The following RABGAP1L variants were observed in gnomAD, a reference collection of about 807,000 sequenced individuals.
RABGAP1L encodes the protein RAB GTPase activating protein 1 like.
A neutral mutation model predicts 137.7 loss-of-function variants in RABGAP1L; 63 were observed. That is an observed-to-expected ratio of 0.46 (90% CI 0.37 to 0.56). The LOEUF (loss-of-function observed/expected upper bound fraction) is 0.56, where lower values mean the gene tolerates loss of function less well. RABGAP1L is among the 20% of genes least tolerant of loss of function. The pLI is 0.00. For missense variants in RABGAP1L, 1,095 were observed against 1,244.0 expected (o/e 0.88, Z 1.80); for synonymous variants, 431 against 433.7 (o/e 0.99, Z 0.08).
intron 13 of RABGAP1L, among the ~76,000 whole-genome samples, chr1:174,607,268 A>G (rs771798587): frequency 1.3e-5 from 2 of 152,192 alleles, no homozygotes; most frequent in African/African-American, 2.4e-5. Flanking sequence ...CTAACAAGTT[A>G]TGAATTCTTT....
chr1:174,390,775 C>G (rs1687158911), intron 12 of RABGAP1L, among the ~76,000 whole-genome samples: 1 of 151,976 alleles, frequency 6.6e-6, no homozygotes, highest in Admixed American at 6.6e-5. Flanking sequence ...TCCTAGGTTT[C>G]CAGTTTGGAT....
At chr1:174,521,014 T>C (rs976359645) in intron 13 of RABGAP1L, among the ~76,000 whole-genome samples, 2 of 152,162 alleles carry the variant, frequency 1.3e-5, no homozygotes, top group African/African-American at 4.8e-5. Context: ...AAACAGTGTT[T>C]TAGTTTCAAG....
chr1:174,329,274 AAGCTTG>A (rs1208048559), intron 11 of RABGAP1L, among the ~76,000 whole-genome samples: 1 of 152,164 alleles, frequency 6.6e-6, no homozygotes, highest in East Asian at 1.9e-4. Flanking sequence ...ACAACCTACC[AAGCTTG>A]AGTCAAGAAG....
intron 15 of RABGAP1L, among the ~76,000 whole-genome samples, chr1:174,691,183 TAGAG>T (rs1448512474): frequency 1.3e-5 from 2 of 152,112 alleles, no homozygotes; most frequent in East Asian, 3.9e-4. Flanking sequence ...ATCTCCTTCA[TAGAG>T]AAAGGTAGAT....
At chr1:174,507,650 T>C (rs1374264249) in intron 13 of RABGAP1L, among the ~76,000 whole-genome samples, 1 of 152,150 alleles carries the variant, frequency 6.6e-6, no homozygotes, top group African/African-American at 2.4e-5. Context: ...ATTGATTTAC[T>C]ATCTTGTCAC....
intron 13 of RABGAP1L, among the ~76,000 whole-genome samples, chr1:174,634,413 G>C (rs1673745964): frequency 2.8e-5 from 3 of 106,298 alleles, no homozygotes; most frequent in Non-Finnish European, 1.8e-5. Flanking sequence ...TGGAGAAATA[G>C]GAACACTTTT....
chr1:174,380,675 C>T (rs546153249), intron 12 of RABGAP1L, among the ~76,000 whole-genome samples: 111 of 149,554 alleles, frequency 7.4e-4, no homozygotes, highest in Non-Finnish European at 1.4e-3. Flanking sequence ...TGATTCTTCT[C>T]TCTTTTTTTC....
rs185917589 is a variant in RABGAP1L at position 174,187,907 on chromosome 1, T to C, written c.-34+28250T>C. 4.6e-5 allele frequency among the ~76,000 whole-genome samples: 7 copies of C among 152,286 alleles called. No individual in the cohort carries two copies. In the East Asian group the frequency reaches 1.3e-3, roughly 29 times the overall value. On this transcript the variant is annotated intron_variant, in intron 1 of 25. Transcript: ENST00000681986. ...CTGAAGTATAGAAACAGAACTGAAA[T>C]ATAGATAATTAAAACTAAACTAATA...
At position 174,610,656 on chromosome 1, in the gene RABGAP1L, A is replaced by T. The variant is rs1480201080; in HGVS notation, c.1711-26719A>T. Among the ~76,000 whole-genome samples the T allele has an allele frequency of 3.6e-3, 549 of 152,144 alleles. 5 individuals carry two copies. Among genetic ancestry groups the T allele is most frequent in the African/African-American group, 0.011 (467 of 41,532 alleles). ...CTGACTTCCACAATGGTTGAACTAG[A>T]TTACAGTCCCACCAACAGTGTAAAA... On this transcript the variant is annotated intron_variant, in intron 13 of 25. Coordinates refer to ENST00000681986, the MANE Select transcript of RABGAP1L (RefSeq NM_001366446.1).
chr1:174,443,845 T>C (rs1190186084), intron 13 of RABGAP1L, among the ~76,000 whole-genome samples: 3 of 152,134 alleles, frequency 2.0e-5, no homozygotes, highest in African/African-American at 7.2e-5. Context: ...CAACTTTGAC[T>C]TGATTTTTGT....
chr1:174,176,095 T>G (rs1159251843), intron 1 of RABGAP1L, among the ~76,000 whole-genome samples: 1 of 152,198 alleles, frequency 6.6e-6, no homozygotes, highest in Non-Finnish European at 1.5e-5. Flanking sequence ...GGTTGAAATA[T>G]CCAAAGAAAA....
At chr1:174,492,176 C>CT (rs756360090) in intron 13 of RABGAP1L, among the ~76,000 whole-genome samples, 2,898 of 119,952 alleles carry the variant, frequency 0.024, 103 homozygotes, top group African/African-American at 0.067. Context: ...TGTCGAATTA[C>CT]TTTTTTTTTT....
In RABGAP1L at chr1:174,497,899, G is replaced by C. The variant is rs559585123; in HGVS notation, c.1710+103754G>C. Among the ~76,000 whole-genome samples the C allele has an allele frequency of 5.4e-5, 8 of 147,466 alleles. No homozygotes were observed. The South Asian group carries it at 1.7e-3, about 31-fold the overall frequency. On this transcript the variant is annotated intron_variant, in intron 13 of 25. Coordinates refer to ENST00000681986, the MANE Select transcript of RABGAP1L (RefSeq NM_001366446.1). The stretch of plus-strand genomic sequence containing the variant: ...GGAGTTACATGTTACAGTATTAGTA[G>C]CTCTGACAGTGACTGTCTTCAAATT...
At chr1:174,625,081 C>T (rs1672846845) in intron 13 of RABGAP1L, among the ~76,000 whole-genome samples, 1 of 151,994 alleles carries the variant, frequency 6.6e-6, no homozygotes, top group Non-Finnish European at 1.5e-5. Context: ...ACCATCTTGG[C>T]CAGGCTGGTC....
chr1:174,607,665 C>T lies in RABGAP1L; in HGVS notation c.1711-29710C>T, dbSNP rs59692051. Among the ~76,000 whole-genome samples the T allele has an allele frequency of 5.3e-3, 802 of 152,302 alleles. 9 individuals carry two copies. Among genetic ancestry groups the T allele is most frequent in the African/African-American group, 0.018 (758 of 41,578 alleles). ...TTTTATTTCAGGGCTGTATCACTTACATTAGGAGATTGAATACAATATCAC... is the reference window on the plus strand; with the variant it reads ...TTTTATTTCAGGGCTGTATCACTTATATTAGGAGATTGAATACAATATCAC... On this transcript the variant is annotated intron_variant, in intron 13 of 25. Coordinates refer to ENST00000681986, the MANE Select transcript of RABGAP1L (RefSeq NM_001366446.1).
At chr1:174,743,174 A>G (rs1332213739) in intron 17 of RABGAP1L, among the ~76,000 whole-genome samples, 2 of 152,212 alleles carry the variant, frequency 1.3e-5, no homozygotes, top group Non-Finnish European at 2.9e-5. Context: ...AACTGAAACT[A>G]GGGACTTATA....
intron 11 of RABGAP1L, among the ~76,000 whole-genome samples, chr1:174,318,991 G>C (rs569858899): frequency 2.6e-5 from 4 of 151,954 alleles, no homozygotes; most frequent in South Asian, 4.2e-4. Context: ...TCATACTGAA[G>C]ATGTAAGTGA....
chr1:174,705,985 G>C (rs922080409), intron 17 of RABGAP1L, among the ~76,000 whole-genome samples: 3 of 152,136 alleles, frequency 2.0e-5, no homozygotes, highest in Non-Finnish European at 4.4e-5. Flanking sequence ...CTCTCAGGTA[G>C]AAAAGTATTG....
intron 16 of RABGAP1L, among the ~76,000 whole-genome samples, chr1:174,701,369 A>G (rs1210403246): frequency 6.6e-6 from 1 of 152,198 alleles, no homozygotes; most frequent in East Asian, 1.9e-4. Flanking sequence ...TAAGTGTTCA[A>G]AAAATATACT....
Sources: allele counts gnomAD v4.1 joint callset (sites outside exome capture counted in the v4.1 genomes callset), GRCh38; gene constraint gnomAD v4.1.1; transcripts MANE v1.5; gene names NCBI Gene and HGNC (gene_info 2026-07-23, HGNC 2026-07-21).